ZPLD1: variants seen among roughly 807,000 people sequenced by gnomAD.
ZPLD1 encodes zona pellucida like domain containing 1.
A neutral mutation model predicts 47.2 loss-of-function variants in ZPLD1; 34 were observed. That is an observed-to-expected ratio of 0.72 (90% CI 0.55 to 0.96). ZPLD1 has a LOEUF of 0.96. ZPLD1 is among the 40% of genes least tolerant of loss of function. ZPLD1 has a pLI of 0.00. For synonymous variants in ZPLD1, 176 were observed against 186.2 expected (o/e 0.95, Z 0.45); for missense variants, 512 against 505.8 (o/e 1.01, Z -0.12).
chr3:102,446,060 A>G lies in ZPLD1; in HGVS notation c.107-6859A>G, dbSNP rs951666841. 7.2e-5 allele frequency among the ~76,000 whole-genome samples: 11 copies of G among 152,214 alleles called. No homozygotes were observed. The East Asian group carries it at 2.1e-3, about 29-fold the overall frequency. On this transcript the variant is annotated intron_variant, in intron 3 of 11. Transcript: ENST00000466937. Reference sequence around the variant, plus strand: ...TTCAAGATGAACCCATATCAACTGTATACATATTTTGTTTGTAAATGTTGG... The same window carrying G: ...TTCAAGATGAACCCATATCAACTGTGTACATATTTTGTTTGTAAATGTTGG...
At chr3:102,476,604 A>G (rs1576171481) in intron 10 of ZPLD1, among the ~76,000 whole-genome samples, 6 of 152,326 alleles carry the variant, frequency 3.9e-5, no homozygotes, top group Admixed American at 3.9e-4. Flanking sequence ...TATTCCGTAT[A>G]ACAGAATAAC....
intron 6 of ZPLD1, among the ~76,000 whole-genome samples, chr3:102,390,711 T>C (rs1031228400): frequency 3.3e-5 from 5 of 152,340 alleles, no homozygotes; most frequent in East Asian, 1.9e-4. Flanking sequence ...GCATTTGAAA[T>C]TGATTGCTGA....
chr3:102,426,171 C>T (rs141636277), intron 8 of ZPLD1, among the ~76,000 whole-genome samples: 1,896 of 151,828 alleles, frequency 0.012, 48 homozygotes, highest in African/African-American at 0.043. Flanking sequence ...CACACACACA[C>T]ACGAACATTT....
At chr3:102,474,874 T>C (rs930555937) in intron 10 of ZPLD1, among the ~76,000 whole-genome samples, 2 of 152,120 alleles carry the variant, frequency 1.3e-5, no homozygotes, top group African/African-American at 4.8e-5. Context: ...TTTTAGCATA[T>C]ATGTACATGT....
intron 7 of ZPLD1, among the ~76,000 whole-genome samples, chr3:102,406,072 A>G (rs375908672): frequency 6.6e-6 from 1 of 152,026 alleles, no homozygotes; most frequent in Non-Finnish European, 1.5e-5. Context: ...GCTTGCTTTC[A>G]AAATATATTG....
intron 3 of ZPLD1, among the ~76,000 whole-genome samples, chr3:102,443,603 T>C (rs1357589939): frequency 6.6e-6 from 1 of 152,200 alleles, no homozygotes; most frequent in African/African-American, 2.4e-5. Context: ...CCTGCTTGAC[T>C]AAGGAAATCT....
chr3:102,434,126 C>A (rs2107316842), upstream of ZPLD1, among the ~76,000 whole-genome samples: 1 of 152,200 alleles, frequency 6.6e-6, no homozygotes, highest in Non-Finnish European at 1.5e-5. Flanking sequence ...AATATTTAAG[C>A]TTTGGTTTTC....
At chr3:102,425,654 G>A (rs955752235) in intron 8 of ZPLD1, among the ~76,000 whole-genome samples, 1 of 151,996 alleles carries the variant, frequency 6.6e-6, no homozygotes. Flanking sequence ...GCTGAAAGTT[G>A]TGTTTAGCGT....
At chr3:102,438,848 A>G (rs1707131497) in intron 3 of ZPLD1, among the ~76,000 whole-genome samples, 1 of 152,188 alleles carries the variant, frequency 6.6e-6, no homozygotes, top group Non-Finnish European at 1.5e-5. Flanking sequence ...TGTGTAAAAA[A>G]TTGGGAGAGA....
intron 6 of ZPLD1, among the ~76,000 whole-genome samples, chr3:102,458,798 A>C (rs1373861429): frequency 6.6e-6 from 1 of 152,178 alleles, no homozygotes; most frequent in Non-Finnish European, 1.5e-5. Context: ...TTCTGCAAAG[A>C]GAAGCTGTCG....
chr3:102,433,684 G>A (rs1707045395), upstream of ZPLD1, among the ~76,000 whole-genome samples: 2 of 152,080 alleles, frequency 1.3e-5, no homozygotes, highest in South Asian at 4.2e-4. Flanking sequence ...CCGCCACCAC[G>A]CCCGGCTAAT....
chr3:102,443,412 G>T (rs559967154), intron 3 of ZPLD1, among the ~76,000 whole-genome samples: 1 of 152,064 alleles, frequency 6.6e-6, no homozygotes, highest in Non-Finnish European at 1.5e-5. Context: ...ATATACATTT[G>T]TTAAATATTG....
At chr3:102,457,755 C>A in intron 5 of ZPLD1, 26 bp from the exon 6 acceptor site, 1 of 1,609,284 alleles carries the variant, frequency 6.2e-7, no homozygotes, top group South Asian at 1.1e-5. Context: ...CTCATCAGTG[C>A]TTTCCTTTTT....
At chr3:102,458,456 T>C (rs1707453309) in intron 6 of ZPLD1, among the ~76,000 whole-genome samples, 1 of 152,244 alleles carries the variant, frequency 6.6e-6, no homozygotes. Context: ...GATATTTTGA[T>C]GTTGATTAAA....
intron 7 of ZPLD1, among the ~76,000 whole-genome samples, chr3:102,410,816 G>T (rs921554649): frequency 6.6e-6 from 1 of 151,824 alleles, no homozygotes; most frequent in Admixed American, 6.6e-5. Context: ...TTCATGAAAG[G>T]CTTGCTACAC....
At chr3:102,475,349 A>G (rs780378519) in intron 10 of ZPLD1, among the ~76,000 whole-genome samples, 1 of 152,142 alleles carries the variant, frequency 6.6e-6, no homozygotes, top group Non-Finnish European at 1.5e-5. Flanking sequence ...TAACCTTAGG[A>G]TGCAGAAAAT....
At chr3:102,392,418 C>T (rs1576122566) in intron 7 of ZPLD1, among the ~76,000 whole-genome samples, 1 of 152,264 alleles carries the variant, frequency 6.6e-6, no homozygotes, top group Non-Finnish European at 1.5e-5. Context: ...TGAGAACCTT[C>T]TTGCTGGTGG....
upstream of ZPLD1, among the ~76,000 whole-genome samples, chr3:102,433,920 AATTATTTAATTCAG>A (rs1707049711): frequency 2.6e-5 from 4 of 152,190 alleles, no homozygotes; most frequent in African/African-American, 9.7e-5. Flanking sequence ...CAATCATCTG[AATTATTTAATTCAG>A]AGCATATCTT....
At chr3:102,388,443 C>G (rs1325032362) in intron 6 of ZPLD1, among the ~76,000 whole-genome samples, 1 of 139,864 alleles carries the variant, frequency 7.1e-6, no homozygotes, top group Admixed American at 7.1e-5. Flanking sequence ...CTCTCTCTCT[C>G]TCTCTCTCTG....
Sources: gnomAD v4.1 joint callset for allele counts (sites outside exome capture counted in the v4.1 genomes callset) on GRCh38, gnomAD v4.1.1 for gene constraint, MANE v1.5 for transcripts, NCBI Gene and HGNC (gene_info 2026-07-23, HGNC 2026-07-21) for gene names.